Variants in STYXL1 observed in about 807,000 individuals in gnomAD.
STYXL1 encodes serine/threonine/tyrosine-interacting-like protein 1.
STYXL1 carries 32 observed loss-of-function variants against 36.4 expected under a neutral mutation model. The ratio of observed to expected loss-of-function variants is 0.88; its 90% confidence interval spans 0.66 to 1.18. The LOEUF (loss-of-function observed/expected upper bound fraction) is 1.18. Ranked by LOEUF, STYXL1 falls within the 50% of genes most tolerant of loss-of-function variation. The pLI, the probability that STYXL1 is intolerant of heterozygous loss-of-function variation, is 0.00. For missense variants in STYXL1, 354 were observed against 394.1 expected (o/e 0.90, Z 0.86); for synonymous variants, 133 against 144.1 (o/e 0.92, Z 0.55).
intron 5 of STYXL1, among the ~76,000 whole-genome samples, chr7:76,007,672 G>C (rs1053561014): frequency 6.6e-6 from 1 of 151,776 alleles, no homozygotes; most frequent in Middle Eastern, 3.4e-3. Context: ...TGTGATATCA[G>C]CACTTTGGGA....
At chr7:76,011,943 T>C (rs764118410) in intron 5 of STYXL1, among the ~76,000 whole-genome samples, 1 of 152,228 alleles carries the variant, frequency 6.6e-6, no homozygotes, top group African/African-American at 2.4e-5. Flanking sequence ...AAACTGACCA[T>C]GAGTTGACAA....
chr7:76,028,504 G>A, intron 3 of STYXL1, 138 bp downstream of exon 3: 1 of 745,562 alleles, frequency 1.3e-6, no homozygotes, highest in Non-Finnish European at 2.3e-6. Flanking sequence ...GGTGAGAGGT[G>A]TGGAAGACCA....
At chr7:76,021,418 A>G (rs1354678267) in intron 4 of STYXL1, among the ~76,000 whole-genome samples, 1 of 152,176 alleles carries the variant, frequency 6.6e-6, no homozygotes, top group African/African-American at 2.4e-5. Context: ...GTAGGTGACA[A>G]CTTGAACATC....
chr7:76,021,481 A>G (rs1480963778), intron 4 of STYXL1, among the ~76,000 whole-genome samples: 1 of 152,112 alleles, frequency 6.6e-6, no homozygotes, highest in Non-Finnish European at 1.5e-5. Context: ...CGTACTGATG[A>G]AACCACTGAC....
At chr7:76,002,427 G>A (rs1554567996) in intron 7 of STYXL1, among the ~76,000 whole-genome samples, 1 of 152,188 alleles carries the variant, frequency 6.6e-6, no homozygotes, top group Non-Finnish European at 1.5e-5. Context: ...ACGCAGAGAT[G>A]ACGATGGCCA....
At chr7:76,022,495 TG>T (rs1171961096) in intron 3 of STYXL1, among the ~76,000 whole-genome samples, 1 of 92,278 alleles carries the variant, frequency 1.1e-5, no homozygotes, top group South Asian at 3.6e-4. Context: ...CCCGACTCTA[TG>T]AAAAAAAAAA....
At chr7:76,039,907 A>G (rs1796320255) in intron 1 of STYXL1, among the ~76,000 whole-genome samples, 1 of 152,064 alleles carries the variant, frequency 6.6e-6, no homozygotes, top group Non-Finnish European at 1.5e-5. Flanking sequence ...TCAACTTCCC[A>G]AAGTGCTGGG....
At chr7:76,047,311 T>C (rs1341677898) in intron 1 of STYXL1, among the ~76,000 whole-genome samples, 1 of 152,164 alleles carries the variant, frequency 6.6e-6, no homozygotes, top group African/African-American at 2.4e-5. Context: ...GAGCAAGGAA[T>C]TCTACTCGAC....
At chr7:76,032,370 G>C (rs1437620972) in intron 1 of STYXL1, among the ~76,000 whole-genome samples, 1 of 145,388 alleles carries the variant, frequency 6.9e-6, no homozygotes, top group African/African-American at 2.6e-5. Context: ...CCACAATCCC[G>C]TCTGGGCAAC....
chr7:76,043,643 T>C (rs1288803000), intron 1 of STYXL1, among the ~76,000 whole-genome samples: 1 of 152,148 alleles, frequency 6.6e-6, no homozygotes, highest in Non-Finnish European at 1.5e-5. Flanking sequence ...CAAATTCCCA[T>C]CAAGCTGAGA....
chr7:76,001,049 G>C, intron 7 of STYXL1, 47 bp from the exon 8 acceptor site: 1 of 1,482,270 alleles, frequency 6.7e-7, no homozygotes, highest in South Asian at 1.1e-5. Flanking sequence ...CCTCCTCCCT[G>C]TGGGCCTGGG....
At chr7:76,006,350 T>C (rs1554570355) in intron 5 of STYXL1, among the ~76,000 whole-genome samples, 1 of 152,076 alleles carries the variant, frequency 6.6e-6, no homozygotes, top group East Asian at 1.9e-4. Context: ...AGTGTTGGGA[T>C]ACACATGTGA....
chr7:76,019,330 G>A (rs1554575287), intron 4 of STYXL1, among the ~76,000 whole-genome samples: 1 of 147,476 alleles, frequency 6.8e-6, no homozygotes, highest in Non-Finnish European at 1.5e-5. Context: ...AGGGTCTTAC[G>A]CTGTCAGCCA....
At chr7:76,045,703 T>G (rs782253199) in intron 1 of STYXL1, 1 of 152,154 alleles carries the variant, frequency 6.6e-6, no homozygotes, top group Non-Finnish European at 1.5e-5. Context: ...CTCAAATAAA[T>G]AAACAACCTT....
chr7:76,040,262 T>C (rs73366083), intron 1 of STYXL1, among the ~76,000 whole-genome samples: 5,572 of 152,292 alleles, frequency 0.037, 322 homozygotes, highest in African/African-American at 0.13. Context: ...GCTCCCTGAT[T>C]GGGCTCAGGC....
At chr7:76,005,517 T>C in intron 5 of STYXL1, 113 bp from the exon 6 acceptor site, 1 of 999,896 alleles carries the variant, frequency 1.0e-6, no homozygotes, top group East Asian at 2.6e-5. Flanking sequence ...TCCAGGACAG[T>C]GAATGTGACG....
At chr7:76,045,327 C>CCTG (rs1563532800) in intron 1 of STYXL1, 2 of 152,088 alleles carry the variant, frequency 1.3e-5, no homozygotes, top group African/African-American at 4.8e-5. Context: ...AAACAATCTC[C>CCTG]ATTTTTTTTT....
intron 4 of STYXL1, among the ~76,000 whole-genome samples, chr7:76,014,103 C>T (rs1302194601): frequency 6.6e-6 from 1 of 151,928 alleles, no homozygotes; most frequent in Non-Finnish European, 1.5e-5. Context: ...CTCAGCCTCC[C>T]AAGTAGCTGG....
At chr7:75,999,378 T>C (rs1790516880) in intron 8 of STYXL1, among the ~76,000 whole-genome samples, 1 of 152,218 alleles carries the variant, frequency 6.6e-6, no homozygotes, top group Non-Finnish European at 1.5e-5. Context: ...AAAGAGTTGC[T>C]GTTTCAGGTT....
Sources: gnomAD v4.1 joint callset for allele counts (sites outside exome capture counted in the v4.1 genomes callset) on GRCh38, gnomAD v4.1.1 for gene constraint, MANE v1.5 for transcripts, NCBI Gene and HGNC (gene_info 2026-07-23, HGNC 2026-07-21) for gene names.